PPARGC1A: variants seen among roughly 807,000 people sequenced by gnomAD.
The protein encoded by PPARGC1A is PPARG coactivator 1 alpha, also known as peroxisome proliferator-activated receptor gamma coactivator 1-alpha.
PPARGC1A carries 25 observed loss-of-function variants against 88.7 expected under a neutral mutation model. The observed-to-expected ratio is 0.28, with a 90% confidence interval of 0.21 to 0.39. The LOEUF is 0.39. Among genes scored for constraint, PPARGC1A ranks in the 10% least tolerant of loss-of-function variants. The pLI, the probability that PPARGC1A is intolerant of heterozygous loss-of-function variation, is 1.00. For missense variants in PPARGC1A, 880 were observed against 968.7 expected, an observed-to-expected ratio of 0.91 and a Z score of 1.22; for synonymous variants, 363 against 355.6, an observed-to-expected ratio of 1.02 and a Z score of -0.24.
the PPARGC1A span, among the ~76,000 whole-genome samples, chr4:24,313,380 A>G: frequency 1.3e-3 from 195 of 152,348 alleles, no homozygotes; most frequent in African/African-American, 4.4e-3. Flanking sequence ...GATATTTGCC[A>G]TGTTCCAGCC....
chr4:23,973,517 A>G, the PPARGC1A span, among the ~76,000 whole-genome samples: 5 of 152,342 alleles, frequency 3.3e-5, 1 homozygote, highest in South Asian at 1.0e-3. Context: ...CTATGTTTCT[A>G]TGGTGTTTGA....
chr4:24,374,687 G>T, the PPARGC1A span, among the ~76,000 whole-genome samples: 1 of 151,968 alleles, frequency 6.6e-6, no homozygotes, highest in Non-Finnish European at 1.5e-5. Context: ...TCAAAAACAC[G>T]AGATGCCACT....
chr4:24,423,023 G>A, the PPARGC1A span, among the ~76,000 whole-genome samples: 1 of 152,156 alleles, frequency 6.6e-6, no homozygotes. Context: ...TTGAACAGTT[G>A]TAGAGATTTT....
At chr4:24,409,132 A>C in the PPARGC1A span, among the ~76,000 whole-genome samples, 2 of 152,224 alleles carry the variant, frequency 1.3e-5, no homozygotes, top group East Asian at 3.8e-4. Flanking sequence ...TTTATAATAA[A>C]AAGTTGTTTT....
the PPARGC1A span, among the ~76,000 whole-genome samples, chr4:24,470,611 G>A: frequency 2.0e-5 from 3 of 151,950 alleles, no homozygotes; most frequent in African/African-American, 7.2e-5. The surrounding 1 kb of genome is among the most constrained non-coding windows in gnomAD (Gnocchi z 5.8). Flanking sequence ...GAGGCCTCGT[G>A]TCTCCCGGCT....
At position 23,801,889 on chromosome 4, in the gene PPARGC1A, G is replaced by T. The variant is rs377729272; in HGVS notation, c.2142-8C>A. ...ATGAAACCATAGCTGTCTCTGCAAC[G>T]GACAAAGAAAAGTTCAAAGCTGGTT... On this transcript the variant is annotated splice_polypyrimidine_tract_variant and splice_region_variant and intron_variant, in intron 11 of 12. Transcript: ENST00000264867. 6.2e-7 allele frequency: 1 copy of T among 1,613,676 alleles called. No individual in the cohort carries two copies. Among genetic ancestry groups the T allele is most frequent in the Admixed American group, 1.7e-5 (1 of 60,004 alleles).
Position 23,884,881 on chromosome 4 carries a change from T to A in PPARGC1A, c.105A>T (p.Glu35Asp). Residue 35 changes from glutamate to aspartate, a missense_variant, in exon 2 of 13, where the codon GAA becomes GAT. Transcript: ENST00000264867. ...EDQPLCPDLP[E>D]LDLSELDVND... is the part of the protein sequence containing the mutation. ...TCACATCTAGTTCAGAAAGATCAAG[T>A]TCAGGAAGATCTGGGCAAAGAGGCT... 6.2e-7 allele frequency: 1 copy of A among 1,613,804 alleles called. No individual in the cohort carries two copies.
chr4:24,277,265 G>A, the PPARGC1A span, among the ~76,000 whole-genome samples: 1 of 152,096 alleles, frequency 6.6e-6, no homozygotes, highest in Admixed American at 6.5e-5. Context: ...TTTTTATAGA[G>A]ACGGGGTTTC....
chr4:23,947,397 A>ATG, the PPARGC1A span, among the ~76,000 whole-genome samples: 14 of 12,340 alleles, frequency 1.1e-3, no homozygotes, highest in African/African-American at 3.4e-3. Flanking sequence ...ATATATATAT[A>ATG]AAAAAAACGG....
chr4:24,368,152 A>T, the PPARGC1A span, among the ~76,000 whole-genome samples: 2 of 152,238 alleles, frequency 1.3e-5, no homozygotes, highest in Admixed American at 1.3e-4. Flanking sequence ...TTAAGAGGTG[A>T]GACGTGAATC....
the PPARGC1A span, among the ~76,000 whole-genome samples, chr4:24,103,078 G>A: frequency 6.6e-6 from 1 of 152,154 alleles, no homozygotes; most frequent in African/African-American, 2.4e-5. Flanking sequence ...TTGACCAGCT[G>A]CAACACCCCA....
the PPARGC1A span, among the ~76,000 whole-genome samples, chr4:24,200,566 C>A: frequency 7.0e-6 from 1 of 143,244 alleles, no homozygotes; most frequent in African/African-American, 2.5e-5. Context: ...TATAGAGTAG[C>A]AGTTACCTCT....
intron 1 of PPARGC1A, chr4:23,888,822 G>C (rs762390732): frequency 2.1e-6 from 1 of 470,678 alleles, no homozygotes; most frequent in Non-Finnish European, 2.8e-6. Flanking sequence ...GTGTGGGCTT[G>C]ATCCTCCCCC....
At chr4:24,354,352 A>T in the PPARGC1A span, among the ~76,000 whole-genome samples, 1 of 152,178 alleles carries the variant, frequency 6.6e-6, no homozygotes, top group Admixed American at 6.5e-5. Flanking sequence ...GGCTCTAGGG[A>T]TCAGAACCTA....
At chr4:24,190,138 C>G in the PPARGC1A span, among the ~76,000 whole-genome samples, 4,934 of 152,204 alleles carry the variant, frequency 0.032, 185 homozygotes, top group African/African-American at 0.083. Context: ...TTGCTGCAAT[C>G]CAGGCTTTGG....
chr4:23,879,484 A>G (rs1291540245), intron 2 of PPARGC1A, among the ~76,000 whole-genome samples: 3 of 152,212 alleles, frequency 2.0e-5, no homozygotes, highest in Non-Finnish European at 4.4e-5. Context: ...ACCAGGAACG[A>G]TATCCACGAG....
the PPARGC1A span, among the ~76,000 whole-genome samples, chr4:24,301,505 C>A: frequency 6.6e-6 from 1 of 151,662 alleles, no homozygotes; most frequent in Non-Finnish European, 1.5e-5. Context: ...TTAGTGAATA[C>A]CCACATCAGT....
chr4:23,878,344 T>C (rs1248248925), intron 2 of PPARGC1A, among the ~76,000 whole-genome samples: 16 of 136,404 alleles, frequency 1.2e-4, no homozygotes, highest in African/African-American at 4.3e-4. Context: ...CGAATCAACG[T>C]CCATAAAAAA....
At chr4:24,339,522 T>G in the PPARGC1A span, among the ~76,000 whole-genome samples, 1 of 152,076 alleles carries the variant, frequency 6.6e-6, no homozygotes, top group African/African-American at 2.4e-5. Context: ...TCGTGCTTTC[T>G]CTAATCAAAA....
Sources: allele counts gnomAD v4.1 joint callset (sites outside exome capture counted in the v4.1 genomes callset), GRCh38; gene constraint gnomAD v4.1.1; non-coding constraint Gnocchi (gnomAD v3.1); transcripts MANE v1.5; gene names NCBI Gene and HGNC (gene_info 2026-07-23, HGNC 2026-07-21).